Variants in PHTF2 observed in about 807,000 individuals in gnomAD.
The protein encoded by PHTF2 is protein PHTF2.
In PHTF2, 60 loss-of-function variants were observed where a neutral mutation model predicts 101.2. The observed-to-expected ratio is 0.59, with a 90% confidence interval of 0.48 to 0.73. The LOEUF (loss-of-function observed/expected upper bound fraction) is 0.73, where lower values mean the gene tolerates loss of function less well. Ranked by LOEUF, PHTF2 falls within the 30% of genes least tolerant of loss-of-function variation. PHTF2 has a pLI of 0.00. For missense variants in PHTF2, 747 were observed against 908.7 expected, an observed-to-expected ratio of 0.82 and a Z score of 2.29; for synonymous variants, 311 against 307.3, an observed-to-expected ratio of 1.01 and a Z score of -0.13.
chr7:77,859,889 T>C (rs529552025), intron 3 of PHTF2, among the ~76,000 whole-genome samples: 1 of 152,314 alleles, frequency 6.6e-6, no homozygotes, highest in East Asian at 1.9e-4. Context: ...GCTCCTCTTA[T>C]ATGAAGTGTT....
At chr7:77,897,317 A>G (rs1185409958) in intron 5 of PHTF2, among the ~76,000 whole-genome samples, 1 of 127,602 alleles carries the variant, frequency 7.8e-6, no homozygotes, top group East Asian at 2.2e-4. Flanking sequence ...TTTTTGGCCC[A>G]ACATTATCTG....
At chr7:77,899,902 T>A (rs73375864) in intron 5 of PHTF2, among the ~76,000 whole-genome samples, 11,270 of 152,200 alleles carry the variant, frequency 0.074, 589 homozygotes, top group South Asian at 0.17. Flanking sequence ...GTTTTCTCTT[T>A]TTTATTTTTA....
At chr7:77,869,073 C>T (rs531531358) in intron 3 of PHTF2, among the ~76,000 whole-genome samples, 14 of 152,210 alleles carry the variant, frequency 9.2e-5, no homozygotes, top group African/African-American at 3.4e-4. Flanking sequence ...CTGGTTCTGT[C>T]ATTGGTTCTC....
chr7:77,798,925 CGCGCGCACCTCAGCCGCCTCCTAGCG>C (rs1792293610), exon 1 of PHTF2: 1 of 152,706 alleles, frequency 6.5e-6, no homozygotes, highest in Non-Finnish European at 1.5e-5. Context: ...CGGAGTCTCC[CGCGCGCACCTCAGCCGCCTCCTAGCG>C]GCGCGGCGCT....
At chr7:77,909,355 GGTTTT>G (rs1173174373) in intron 8 of PHTF2, 2 of 153,750 alleles carry the variant, frequency 1.3e-5, no homozygotes, top group African/African-American at 2.4e-5. Context: ...AATGCTATTT[GGTTTT>G]GTTTTGTTTT....
intron 3 of PHTF2, among the ~76,000 whole-genome samples, chr7:77,885,148 C>T (rs1049701013): frequency 3.9e-5 from 6 of 152,070 alleles, no homozygotes; most frequent in Non-Finnish European, 8.8e-5. Flanking sequence ...GGCTGGAGTG[C>T]AATGGTGCAA....
chr7:77,944,024 A>G (rs1408026932), intron 16 of PHTF2, among the ~76,000 whole-genome samples: 1 of 152,216 alleles, frequency 6.6e-6, no homozygotes, highest in Admixed American at 6.5e-5. Flanking sequence ...AATAAAAAAA[A>G]AAATCAAACA....
chr7:77,812,508 G>A (rs566036418), intron 1 of PHTF2, among the ~76,000 whole-genome samples: 1 of 152,140 alleles, frequency 6.6e-6, no homozygotes, highest in Non-Finnish European at 1.5e-5. Context: ...TTAGTCAGTA[G>A]TATGCTTCAC....
intron 11 of PHTF2, among the ~76,000 whole-genome samples, chr7:77,927,157 C>CAAAAAA (rs869210694): frequency 2.5e-4 from 9 of 36,526 alleles, no homozygotes; most frequent in African/African-American, 3.7e-4. Flanking sequence ...GACTCCATCT[C>CAAAAAA]AAAAAAAAAA....
chr7:77,799,091 C>A (rs1279879765), intron 1 of PHTF2, 120 bp downstream of exon 1: 1 of 152,520 alleles, frequency 6.6e-6, no homozygotes, highest in Admixed American at 6.5e-5. Context: ...GAGGTGGGGG[C>A]TCCGGGGCCA....
At chr7:77,890,599 C>CTTTTTTTTTTTTTTTTTT (rs747882978) in intron 3 of PHTF2, among the ~76,000 whole-genome samples, 1 of 84,208 alleles carries the variant, frequency 1.2e-5, no homozygotes, top group African/African-American at 4.9e-5. Context: ...AATAGTTACA[C>CTTTTTTTTTTTTTTTTTT]TTTTTTTTTT....
rs546084537 is a variant in PHTF2 at position 77,813,057 on chromosome 7, C to T, written c.-36+14086C>T. 2.0e-5 allele frequency among the ~76,000 whole-genome samples: 3 copies of T among 152,312 alleles called. No individual in the cohort carries two copies. The South Asian group carries it at 6.2e-4, about 32-fold the overall frequency. On this transcript the variant is annotated intron_variant, in intron 1 of 19. Coordinates refer to ENST00000416283, the Ensembl canonical transcript of PHTF2. Reference sequence around the variant, plus strand: ...CTAATAGTAGTCATACAGTAGTCATCTATAGATGCATGGTATTTATTTATT... The same window carrying T: ...CTAATAGTAGTCATACAGTAGTCATTTATAGATGCATGGTATTTATTTATT...
At chr7:77,946,181 C>A (rs961391968) in intron 16 of PHTF2, among the ~76,000 whole-genome samples, 1 of 152,184 alleles carries the variant, frequency 6.6e-6, no homozygotes, top group Admixed American at 6.5e-5. Flanking sequence ...GCAATTTAAG[C>A]TGATTAAAGG....
At chr7:77,927,203 C>G (rs1365104102) in intron 11 of PHTF2, among the ~76,000 whole-genome samples, 1 of 132,168 alleles carries the variant, frequency 7.6e-6, no homozygotes, top group South Asian at 2.5e-4. Context: ...TATACATACA[C>G]ACACACACAC....
At chr7:77,900,898 G>C (rs1336567588) in intron 6 of PHTF2, 118 bp downstream of exon 5, 1 of 621,564 alleles carries the variant, frequency 1.6e-6, no homozygotes, top group African/African-American at 1.9e-5. Context: ...AAATACTTGA[G>C]ATTGGGTAAT....
At chr7:77,860,673 CTGT>C (rs1797564399) in intron 3 of PHTF2, among the ~76,000 whole-genome samples, 1 of 152,120 alleles carries the variant, frequency 6.6e-6, no homozygotes, top group South Asian at 2.1e-4. Flanking sequence ...TAAATATAGA[CTGT>C]TGTTATTAAT....
chr7:77,815,310 G>A (rs1417743100), intron 1 of PHTF2, among the ~76,000 whole-genome samples: 5 of 151,988 alleles, frequency 3.3e-5, no homozygotes, highest in Non-Finnish European at 5.9e-5. Flanking sequence ...ATTGATTTTA[G>A]CAAGCAGGCA....
rs1800242878 is a variant in PHTF2, at chr7:77,890,029, C to CCG, written c.148-3578_148-3577insGC. On this transcript the variant is annotated intron_variant, in intron 3 of 19. Transcript: ENST00000416283. ...TTAAAAAAATTAAGACGCGCCCCCCCCCACCACCATGAGACATTCTATTAA... is the reference window on the plus strand; with the variant it reads ...TTAAAAAAATTAAGACGCGCCCCCCCCGCCACCACCATGAGACATTCTATTAA... Among the ~76,000 whole-genome samples the CCG allele has an allele frequency of 4.0e-5, 6 of 150,584 alleles. No homozygotes were observed. In the South Asian group the frequency reaches 1.3e-3, roughly 32 times the overall value.
At chr7:77,813,702 G>A (rs948351537) in intron 1 of PHTF2, among the ~76,000 whole-genome samples, 1 of 152,212 alleles carries the variant, frequency 6.6e-6, no homozygotes, top group African/African-American at 2.4e-5. Context: ...GGCTTAAATA[G>A]TAGTTGCAGT....
Sources: allele counts gnomAD v4.1 joint callset (sites outside exome capture counted in the v4.1 genomes callset), GRCh38; gene constraint gnomAD v4.1.1; transcripts MANE v1.5; gene names NCBI Gene and HGNC (gene_info 2026-07-23, HGNC 2026-07-21).